PIK3CB: variants seen among roughly 807,000 people sequenced by gnomAD.
PIK3CB encodes the protein phosphatidylinositol 4,5-bisphosphate 3-kinase catalytic subunit beta isoform.
In PIK3CB, 39 loss-of-function variants were observed where a neutral mutation model predicts 136.8. The observed-to-expected ratio is 0.29, with a 90% CI of 0.22 to 0.37. PIK3CB has a LOEUF of 0.37. PIK3CB is among the 10% of genes least tolerant of loss of function. PIK3CB has a pLI of 1.00. For missense variants in PIK3CB, 868 were observed against 1,275.4 expected (o/e 0.68, Z 4.87); for synonymous variants, 428 against 436.6 (o/e 0.98, Z 0.25).
intron 16 of PIK3CB, among the ~76,000 whole-genome samples, chr3:138,685,414 A>AG (rs2108490675): frequency 6.8e-6 from 1 of 147,280 alleles, no homozygotes; most frequent in East Asian, 2.0e-4. Context: ...AAAAAAAAAA[A>AG]AAAAAAAAAG....
chr3:138,671,874 G>A (rs1179958014), intron 19 of PIK3CB, among the ~76,000 whole-genome samples: 1 of 152,166 alleles, frequency 6.6e-6, no homozygotes, highest in Non-Finnish European at 1.5e-5. Context: ...ACTAATCCTG[G>A]TTGGCTAAAC....
chr3:138,771,524 A>T (rs192675564), intron 2 of PIK3CB, among the ~76,000 whole-genome samples: 86 of 152,208 alleles, frequency 5.7e-4, no homozygotes, highest in African/African-American at 2.0e-3. Flanking sequence ...CGGCCCTAGA[A>T]CTTCATTTTC....
chr3:138,692,573 G>A (rs1417318820), intron 14 of PIK3CB, among the ~76,000 whole-genome samples: 1 of 152,164 alleles, frequency 6.6e-6, no homozygotes, highest in Non-Finnish European at 1.5e-5. Flanking sequence ...CCTATAAATA[G>A]TGTAAAAAAT....
intron 2 of PIK3CB, chr3:138,778,532 G>C (rs2045886147): frequency 8.5e-6 from 2 of 235,370 alleles, no homozygotes; most frequent in Non-Finnish European, 1.7e-5. Flanking sequence ...CACAGCCAAT[G>C]TGTCCATCAT....
chr3:138,830,536 G>C (rs1288926098), intron 1 of PIK3CB, among the ~76,000 whole-genome samples: 2 of 152,108 alleles, frequency 1.3e-5, no homozygotes, highest in East Asian at 1.9e-4. Context: ...CTGAACGGCA[G>C]AGCACGACTC....
chr3:138,721,924 A>G (rs1325298500), intron 8 of PIK3CB, among the ~76,000 whole-genome samples: 1 of 152,192 alleles, frequency 6.6e-6, no homozygotes, highest in Non-Finnish European at 1.5e-5. Flanking sequence ...CTCAATTTAC[A>G]GTATTGAAAT....
intron 8 of PIK3CB, among the ~76,000 whole-genome samples, chr3:138,732,720 G>GAAGAA (rs2045011561): frequency 9.1e-6 from 1 of 109,298 alleles, no homozygotes; most frequent in African/African-American, 3.5e-5. Context: ...GGAAAGAAAA[G>GAAGAA]AAAAAAAAAA....
intron 4 of PIK3CB, among the ~76,000 whole-genome samples, chr3:138,751,257 G>C (rs1199600603): frequency 6.6e-6 from 1 of 152,020 alleles, no homozygotes; most frequent in African/African-American, 2.4e-5. Flanking sequence ...AGGAGATTGA[G>C]ACCATCCTGG....
At chr3:138,780,694 T>G (rs2045914204) in intron 2 of PIK3CB, among the ~76,000 whole-genome samples, 1 of 152,060 alleles carries the variant, frequency 6.6e-6, no homozygotes, top group Non-Finnish European at 1.5e-5. Context: ...TTTTTCTGAG[T>G]GTCTCTCACT....
At chr3:138,787,141 T>C (rs1044934190) in intron 2 of PIK3CB, among the ~76,000 whole-genome samples, 3 of 152,104 alleles carry the variant, frequency 2.0e-5, no homozygotes, top group Non-Finnish European at 4.4e-5. Context: ...AAAGAGGAAC[T>C]TGGAAAAACT....
intron 7 of PIK3CB, among the ~76,000 whole-genome samples, chr3:138,734,350 T>C (rs1042465907): frequency 2.0e-5 from 3 of 152,216 alleles, no homozygotes; most frequent in Non-Finnish European, 2.9e-5. Context: ...CAATTACTCA[T>C]TGAAGTCCTA....
At chr3:138,762,656 T>C (rs975809325) in intron 2 of PIK3CB, among the ~76,000 whole-genome samples, 1 of 152,094 alleles carries the variant, frequency 6.6e-6, no homozygotes, top group Non-Finnish European at 1.5e-5. Flanking sequence ...TGTATTAACT[T>C]ATAAAGACCA....
At chr3:138,802,022 G>A (rs2046182195) in intron 1 of PIK3CB, among the ~76,000 whole-genome samples, 2 of 151,482 alleles carry the variant, frequency 1.3e-5, no homozygotes, top group South Asian at 2.1e-4. Flanking sequence ...CAGCCTGGGC[G>A]AAGCAGCAAG....
At chr3:138,657,861 C>T in intron 21 of PIK3CB, 26 bp from the exon 22 acceptor site, 1 of 1,599,554 alleles carries the variant, frequency 6.3e-7, no homozygotes, top group Non-Finnish European at 8.5e-7. Flanking sequence ...GATTTAATTT[C>T]CTTCATTTTT....
chr3:138,771,254 G>A (rs1362463932), intron 2 of PIK3CB, among the ~76,000 whole-genome samples: 18 of 134,520 alleles, frequency 1.3e-4, no homozygotes, highest in African/African-American at 4.7e-4. Context: ...ACGGAGTCTC[G>A]CTCTGTCACC....
intron 1 of PIK3CB, among the ~76,000 whole-genome samples, chr3:138,829,904 C>A (rs866186422): frequency 2.0e-4 from 30 of 152,234 alleles, no homozygotes; most frequent in Admixed American, 5.9e-4. Flanking sequence ...GTCATGTAGG[C>A]AGGCAGAAGA....
intron 1 of PIK3CB, among the ~76,000 whole-genome samples, chr3:138,815,156 A>ATAT (rs1361090782): frequency 1.7e-4 from 20 of 117,728 alleles, no homozygotes; most frequent in Non-Finnish European, 3.2e-4. Flanking sequence ...AAAAAAAAAA[A>ATAT]AAAAAAATAT....
At chr3:138,713,396 G>A (rs1475722017) in intron 9 of PIK3CB, among the ~76,000 whole-genome samples, 1 of 152,030 alleles carries the variant, frequency 6.6e-6, no homozygotes, top group African/African-American at 2.4e-5. Flanking sequence ...AACACGGCCA[G>A]GCACGGTGGC....
In PIK3CB at chr3:138,678,308, G is replaced by C. The variant is rs566844375; in HGVS notation, c.2504+3659C>G. Among the ~76,000 whole-genome samples the C allele has an allele frequency of 2.0e-4, 31 of 152,198 alleles. No individual in the cohort carries two copies. The East Asian group carries it at 2.9e-3, about 14-fold the overall frequency. ...TGTTACCAAGGAGTTTGTGGCAGCA[G>C]TGAGCTATGATCATGCCAGTGCACT... On this transcript the variant is annotated intron_variant, in intron 19 of 23. Transcript: ENST00000674063.
Sources: gnomAD v4.1 joint callset for allele counts (sites outside exome capture counted in the v4.1 genomes callset) on GRCh38, gnomAD v4.1.1 for gene constraint, MANE v1.5 for transcripts, NCBI Gene and HGNC (gene_info 2026-07-23, HGNC 2026-07-21) for gene names.